MSRA: variants seen among roughly 807,000 people sequenced by gnomAD.
MSRA encodes the protein methionine sulfoxide reductase A.
In MSRA, 54 loss-of-function variants were observed where a neutral mutation model predicts 31.3. The ratio of observed to expected loss-of-function variants is 1.73; its 90% CI spans 1.39 to 2.17. The LOEUF is 2.17. Ranked by LOEUF, MSRA falls within the 30% of genes most tolerant of loss-of-function variation. The pLI is 0.00. For synonymous variants in MSRA, 169 were observed against 116.5 expected (o/e 1.45, Z -2.90); for missense variants, 507 against 300.9 (o/e 1.69, Z -5.07).
chr8:10,290,216 C>T (rs955685295), intron 3 of MSRA, among the ~76,000 whole-genome samples: 3 of 152,136 alleles, frequency 2.0e-5, no homozygotes, highest in Non-Finnish European at 4.4e-5. Flanking sequence ...GAGCAGGTCC[C>T]AAGAAGCACT....
At chr8:10,234,195 G>C (rs1219162113) in intron 2 of MSRA, among the ~76,000 whole-genome samples, 2 of 152,130 alleles carry the variant, frequency 1.3e-5, no homozygotes, top group African/African-American at 4.8e-5. Context: ...GGAGAGACCT[G>C]AAGCATAAGA....
chr8:10,411,892 T>C (rs578203221), intron 5 of MSRA, among the ~76,000 whole-genome samples: 113 of 138,972 alleles, frequency 8.1e-4, no homozygotes, highest in African/African-American at 2.8e-3. Context: ...TTCCCAGGGG[T>C]GGCGAACAGC....
intron 3 of MSRA, among the ~76,000 whole-genome samples, 174 bp downstream of exon 3, chr8:10,245,397 A>T (rs998087965): frequency 1.3e-5 from 2 of 152,262 alleles, no homozygotes; most frequent in African/African-American, 4.8e-5. Context: ...TTAGAAGATG[A>T]TAATCTTCCT....
intron 3 of MSRA, among the ~76,000 whole-genome samples, chr8:10,292,565 G>T (rs1172671094): frequency 6.6e-6 from 1 of 152,246 alleles, no homozygotes; most frequent in Non-Finnish European, 1.5e-5. Context: ...ACCCGGTGGG[G>T]GACCCCAGGG....
intron 5 of MSRA, among the ~76,000 whole-genome samples, chr8:10,394,723 C>T (rs1192805281): frequency 6.6e-6 from 1 of 152,246 alleles, no homozygotes; most frequent in Non-Finnish European, 1.5e-5. Flanking sequence ...CACTCTGCCC[C>T]AGCAGATTGT....
intron 5 of MSRA, among the ~76,000 whole-genome samples, chr8:10,333,810 C>T (rs1041583470): frequency 6.6e-6 from 1 of 150,736 alleles, no homozygotes; most frequent in Non-Finnish European, 1.5e-5. Flanking sequence ...CTCCACCCCA[C>T]CCCCCCCACG....
At chr8:10,240,871 C>T (rs766312034) in intron 2 of MSRA, among the ~76,000 whole-genome samples, 2 of 151,868 alleles carry the variant, frequency 1.3e-5, no homozygotes, top group Admixed American at 6.6e-5. Context: ...TTTCTCTCTG[C>T]CCCCAGCTGG....
chr8:10,365,839 T>C (rs1194739365), intron 5 of MSRA, among the ~76,000 whole-genome samples: 2 of 152,084 alleles, frequency 1.3e-5, no homozygotes, highest in Non-Finnish European at 2.9e-5. Flanking sequence ...ACATGCTGGG[T>C]AAGGGAGGAA....
intron 3 of MSRA, among the ~76,000 whole-genome samples, chr8:10,294,458 G>C (rs1800419069): frequency 6.6e-6 from 1 of 152,108 alleles, no homozygotes; most frequent in Non-Finnish European, 1.5e-5. Context: ...TCCCCATTTT[G>C]CAGTTAAGGA....
chr8:10,355,886 A>G (rs1804478779), intron 5 of MSRA, among the ~76,000 whole-genome samples: 1 of 152,204 alleles, frequency 6.6e-6, no homozygotes, highest in South Asian at 2.1e-4. Flanking sequence ...ACTTTGTTCC[A>G]TAGGCACCGG....
chr8:10,417,295 C>G (rs1013168638), intron 5 of MSRA, among the ~76,000 whole-genome samples: 1 of 152,126 alleles, frequency 6.6e-6, no homozygotes, highest in Non-Finnish European at 1.5e-5. Context: ...GGTTTGTCCT[C>G]CTTGCATGTG....
chr8:10,382,282 T>C (rs1004788871), intron 5 of MSRA, among the ~76,000 whole-genome samples: 6 of 152,204 alleles, frequency 3.9e-5, no homozygotes, highest in African/African-American at 1.4e-4. Flanking sequence ...GGCTTGAAGA[T>C]GGCCCTGCCC....
intron 3 of MSRA, among the ~76,000 whole-genome samples, chr8:10,265,753 C>G (rs754445842): frequency 3.9e-5 from 6 of 152,252 alleles, no homozygotes; most frequent in Non-Finnish European, 4.4e-5. Context: ...TTCATCATTC[C>G]TCCCCCTGCC....
At chr8:10,305,724 G>C (rs191303682) in intron 4 of MSRA, among the ~76,000 whole-genome samples, 123 of 152,262 alleles carry the variant, frequency 8.1e-4, no homozygotes, top group African/African-American at 2.9e-3. Flanking sequence ...CTAGCCTTCT[G>C]CCATTTTGGA....
At chr8:10,388,538 G>A (rs1269564585) in intron 5 of MSRA, among the ~76,000 whole-genome samples, 3 of 152,096 alleles carry the variant, frequency 2.0e-5, no homozygotes, top group Non-Finnish European at 4.4e-5. Flanking sequence ...CGTGAGCTTC[G>A]AAAAATCCTG....
At chr8:10,059,918 T>G (rs1042137659) in intron 1 of MSRA, among the ~76,000 whole-genome samples, 1 of 152,238 alleles carries the variant, frequency 6.6e-6, no homozygotes, top group Non-Finnish European at 1.5e-5. Context: ...AATACCATTT[T>G]TCATGTTTCA....
chr8:10,377,632 G>A (rs946810179), intron 5 of MSRA, among the ~76,000 whole-genome samples: 2 of 152,132 alleles, frequency 1.3e-5, no homozygotes, highest in South Asian at 2.1e-4. Context: ...AATGGCTCAC[G>A]GAGACTGCTG....
rs1563109768 is a variant in MSRA at position 10,113,291 on chromosome 8, T to TTTTTTTTTTG, written c.142+58633_142+58634insTTTTTTTTTG. On this transcript the variant is annotated intron_variant, in intron 1 of 5. Transcript: ENST00000317173. ...GCATGGCTTTGGTGAAGACAGGTCT[T>TTTTTTTTTTG]CTTTTTTTTTTTTTTTTTTTTTTGG... 1.7e-5 allele frequency among the ~76,000 whole-genome samples: 2 copies of TTTTTTTTTTG among 117,980 alleles called. 1 individual carries two copies. The highest frequency in any genetic ancestry group is 6.3e-5 in the African/African-American group (2 of 31,934). The allele number at this position is 117,980 out of a possible 152,430, so 77.4% of individuals were successfully genotyped here. A position where few individuals can be genotyped will look rare whatever the true frequency, so the allele number is the denominator to read the frequency against.
intron 2 of MSRA, among the ~76,000 whole-genome samples, chr8:10,213,426 CACTT>C (rs1303145773): frequency 7.0e-6 from 1 of 142,868 alleles, no homozygotes; most frequent in Admixed American, 7.1e-5. Flanking sequence ...ACATGTACCA[CACTT>C]TCTTTTTTTT....
Sources: allele counts gnomAD v4.1 joint callset (sites outside exome capture counted in the v4.1 genomes callset), GRCh38; gene constraint gnomAD v4.1.1; transcripts MANE v1.5; gene names NCBI Gene and HGNC (gene_info 2026-07-23, HGNC 2026-07-21).